Variants in CEP128 observed in about 807,000 individuals in gnomAD.
The protein encoded by CEP128 is centrosomal protein 128kDa.
A neutral mutation model predicts 156.7 loss-of-function variants in CEP128; 132 were observed. The observed-to-expected ratio is 0.84, with a 90% CI of 0.73 to 0.97. CEP128 has a LOEUF of 0.97. Ranked by LOEUF, CEP128 falls within the 50% of genes least tolerant of loss-of-function variation. The pLI, the probability that CEP128 is intolerant of heterozygous loss-of-function variation, is 0.00. For missense variants in CEP128, 1,252 were observed against 1,281.9 expected, an observed-to-expected ratio of 0.98 and a Z score of 0.36; for synonymous variants, 469 against 448.9, an observed-to-expected ratio of 1.04 and a Z score of -0.57.
intron 19 of CEP128, among the ~76,000 whole-genome samples, chr14:80,678,187 A>AT (rs1253208038): frequency 3.3e-5 from 5 of 151,738 alleles, no homozygotes; most frequent in African/African-American, 1.2e-4. Flanking sequence ...AATGAAATGG[A>AT]ACCACATGTA....
intron 5 of CEP128, 115 bp downstream of exon 5, chr14:80,905,840 T>C (rs986659124): frequency 1.1e-6 from 1 of 930,238 alleles, no homozygotes; most frequent in African/African-American, 1.7e-5. Context: ...CTACATGTAC[T>C]ATCATCCAAT....
rs1330564630 is a variant in CEP128, at chr14:80,628,722, A to G, written c.2807-48299T>C. Among the ~76,000 whole-genome samples, 14 of 152,322 alleles carry G rather than the reference A, an allele frequency of 9.2e-5. No homozygotes were observed. The South Asian group carries it at 1.9e-3, about 20-fold the overall frequency. ...TGGCAACAGGGAATGGTTTAAGGGT[A>G]ACATACCTGATTAGGTAACTCAAGC... On this transcript the variant is annotated intron_variant, in intron 19 of 24. Coordinates refer to ENST00000555265, the MANE Select transcript of CEP128 (RefSeq NM_152446.5).
chr14:80,927,238 A>C (rs1885201163), intron 2 of CEP128, among the ~76,000 whole-genome samples: 1 of 152,108 alleles, frequency 6.6e-6, no homozygotes, highest in Admixed American at 6.5e-5. Flanking sequence ...TGAACCTTCC[A>C]CTTGTGGGAA....
intron 19 of CEP128, among the ~76,000 whole-genome samples, chr14:80,699,468 A>G (rs1896998148): frequency 6.6e-6 from 1 of 152,170 alleles, no homozygotes; most frequent in Non-Finnish European, 1.5e-5. Context: ...CAAGTACTGC[A>G]AGGGGAGATA....
chr14:80,924,842 T>C (rs544184327), intron 2 of CEP128, among the ~76,000 whole-genome samples: 2 of 151,938 alleles, frequency 1.3e-5, no homozygotes, highest in Non-Finnish European at 2.9e-5. Context: ...AGTGACATGG[T>C]AATAAGCACA....
chr14:80,947,686 T>C (rs913658109), intron 2 of CEP128, among the ~76,000 whole-genome samples: 1 of 151,632 alleles, frequency 6.6e-6, no homozygotes, highest in Admixed American at 6.6e-5. Flanking sequence ...GAAAAGAGAT[T>C]CCCCCCAAAA....
chr14:80,876,552 G>C (rs148265306), intron 8 of CEP128, among the ~76,000 whole-genome samples: 1 of 150,732 alleles, frequency 6.6e-6, no homozygotes, highest in Non-Finnish European at 1.5e-5. Context: ...AGTCGAGATC[G>C]TGCCACTGCA....
intron 19 of CEP128, among the ~76,000 whole-genome samples, chr14:80,709,614 T>C (rs1435270756): frequency 6.6e-6 from 1 of 152,190 alleles, no homozygotes. Flanking sequence ...CTGCTTTACA[T>C]ATAAAAAATA....
At chr14:80,601,963 C>T (rs1321218522) in intron 19 of CEP128, among the ~76,000 whole-genome samples, 2 of 152,012 alleles carry the variant, frequency 1.3e-5, no homozygotes, top group Non-Finnish European at 2.9e-5. Flanking sequence ...CAACTTTATG[C>T]TATCTATAAG....
At chr14:80,950,900 G>A (rs1280995681) in intron 2 of CEP128, among the ~76,000 whole-genome samples, 4 of 94,400 alleles carry the variant, frequency 4.2e-5, no homozygotes, top group African/African-American at 1.6e-4. Flanking sequence ...AAAGCATCCC[G>A]AGTAAGAAAA....
At chr14:80,619,992 G>A (rs1434408280) in intron 19 of CEP128, among the ~76,000 whole-genome samples, 1 of 152,102 alleles carries the variant, frequency 6.6e-6, no homozygotes, top group African/African-American at 2.4e-5. Context: ...AGGCATGGTG[G>A]TGGGCGCCTG....
At chr14:80,857,753 C>A (rs984354595) in intron 9 of CEP128, among the ~76,000 whole-genome samples, 24 of 123,030 alleles carry the variant, frequency 2.0e-4, no homozygotes, top group Non-Finnish European at 2.7e-4. Flanking sequence ...ACAACAACAA[C>A]AACAACAACA....
chr14:80,730,795 T>C (rs752859404), intron 19 of CEP128, among the ~76,000 whole-genome samples: 12 of 152,182 alleles, frequency 7.9e-5, no homozygotes, highest in Non-Finnish European at 1.5e-4. Flanking sequence ...ACTTTCATAG[T>C]GGAGGCACAA....
chr14:80,947,976 C>T (rs936712235), intron 2 of CEP128, among the ~76,000 whole-genome samples: 5 of 152,188 alleles, frequency 3.3e-5, no homozygotes, highest in African/African-American at 1.2e-4. Flanking sequence ...TTGCTTTGTT[C>T]CCTCTAGCCA....
At chr14:80,751,664 C>G (rs1899399144) in intron 18 of CEP128, among the ~76,000 whole-genome samples, 1 of 147,526 alleles carries the variant, frequency 6.8e-6, no homozygotes, top group Non-Finnish European at 1.5e-5. Context: ...GAGTCTCACT[C>G]TGCCGCCCAG....
intron 8 of CEP128, among the ~76,000 whole-genome samples, chr14:80,867,705 G>A (rs1361676545): frequency 1.3e-5 from 2 of 151,864 alleles, no homozygotes; most frequent in African/African-American, 4.8e-5. Context: ...GAGAGGCTAT[G>A]GAATTTATGA....
upstream of CEP128, among the ~76,000 whole-genome samples, chr14:80,943,600 A>G (rs1300120700): frequency 2.0e-5 from 3 of 152,200 alleles, no homozygotes; most frequent in Non-Finnish European, 4.4e-5. Context: ...ATTTTCGTTC[A>G]TTTTGATCAA....
intron 20 of CEP128, among the ~76,000 whole-genome samples, chr14:80,574,180 C>A (rs962751865): frequency 1.3e-5 from 2 of 152,094 alleles, no homozygotes; most frequent in Admixed American, 1.3e-4. Context: ...TAAAAATGTA[C>A]TTTAGTATCT....
chr14:80,949,402 G>A (rs1044791167), intron 2 of CEP128, among the ~76,000 whole-genome samples: 1 of 152,108 alleles, frequency 6.6e-6, no homozygotes, highest in Non-Finnish European at 1.5e-5. Context: ...GAACTATAAA[G>A]GGTCTCCATG....
Sources: allele counts gnomAD v4.1 joint callset (sites outside exome capture counted in the v4.1 genomes callset), GRCh38; gene constraint gnomAD v4.1.1; transcripts MANE v1.5; gene names NCBI Gene and HGNC (gene_info 2026-07-23, HGNC 2026-07-21).